Variants in IRAG1 observed in about 807,000 individuals in gnomAD.
The protein encoded by IRAG1 is inositol 1,4,5-triphosphate receptor associated 1.
In IRAG1, 62 loss-of-function variants were observed where a neutral mutation model predicts 106.2. The ratio of observed to expected loss-of-function variants is 0.58; its 90% CI spans 0.48 to 0.72. The LOEUF is 0.72. Ranked by LOEUF, IRAG1 falls within the 30% of genes least tolerant of loss-of-function variation. IRAG1 has a pLI of 0.00. For synonymous variants in IRAG1, 462 were observed against 443.9 expected (o/e 1.04, Z -0.51); for missense variants, 1,064 against 1,140.7 (o/e 0.93, Z 0.97).
At chr11:10,676,277 G>A (rs147625016) in intron 1 of IRAG1, among the ~76,000 whole-genome samples, 172 of 152,272 alleles carry the variant, frequency 1.1e-3, no homozygotes, top group African/African-American at 3.6e-3. Context: ...CGGTTTCTCC[G>A]TCAGAATGGT....
chr11:10,601,178 T>C (rs1282369079), intron 14 of IRAG1, 119 bp from the exon 15 acceptor site: 52 of 1,384,084 alleles, frequency 3.8e-5, no homozygotes, highest in Non-Finnish European at 4.5e-5. Context: ...GACAAGACTC[T>C]GCCCTCTGAA....
chr11:10,580,504 G>T lies in IRAG1; in HGVS notation c.2446C>A (p.Pro816Thr), dbSNP rs1405141600. The stretch of plus-strand genomic sequence containing the variant: ...TCCTCAGTTTCTTCTACCTCTTCAG[G>T]TTCCTCAGGACTCTCACTCTTCTGT... ...EEQKSESPEE[P>T]EEVEETEEEE... is the part of the protein sequence containing the mutation. Residue 816 changes from proline to threonine, a missense_variant, in exon 20 of 21, where the codon CCT becomes ACT. Coordinates refer to ENST00000423302, the MANE Select transcript of IRAG1 (RefSeq NM_130385.4). The T allele has an allele frequency of 2.5e-6, 4 of 1,613,572 alleles. No homozygotes were observed. Among genetic ancestry groups the T allele is most frequent in the Admixed American group, 3.3e-5 (2 of 59,972 alleles).
chr11:10,685,225 T>A (rs1254007815), intron 1 of IRAG1, among the ~76,000 whole-genome samples: 1 of 152,122 alleles, frequency 6.6e-6, no homozygotes, highest in Non-Finnish European at 1.5e-5. Flanking sequence ...GGCAGGTGGA[T>A]CACTTGAGGT....
At chr11:10,583,930 G>C (rs897677225) in intron 18 of IRAG1, among the ~76,000 whole-genome samples, 1 of 152,074 alleles carries the variant, frequency 6.6e-6, no homozygotes, top group African/African-American at 2.4e-5. Context: ...GAGGGGTCTA[G>C]GAAGGTCTGT....
rs149163766 is a variant in IRAG1, at chr11:10,633,297, G to C, written c.329+671C>G. On this transcript the variant is annotated intron_variant, in intron 3 of 20. Transcript: ENST00000423302. The stretch of plus-strand genomic sequence containing the variant: ...TCACTGTGTTAGCCAGGATGGTCTC[G>C]ATCTCCTGACCTCATGATTCACCCG... 3.5e-3 allele frequency among the ~76,000 whole-genome samples: 525 copies of C among 152,114 alleles called. 3 individuals are homozygous for C. In the East Asian group the frequency reaches 0.046, roughly 13 times the overall value.
intron 1 of IRAG1, among the ~76,000 whole-genome samples, chr11:10,667,875 T>A (rs1859906725): frequency 6.6e-6 from 1 of 152,204 alleles, no homozygotes; most frequent in Non-Finnish European, 1.5e-5. Flanking sequence ...TAAAGGGGAA[T>A]CTGATCCAAA....
At chr11:10,618,677 G>A (rs148515462) in intron 10 of IRAG1, among the ~76,000 whole-genome samples, 1 of 152,320 alleles carries the variant, frequency 6.6e-6, no homozygotes, top group Non-Finnish European at 1.5e-5. Flanking sequence ...AAGAGGGAGA[G>A]AGGAAGAACA....
chr11:10,634,753 T>TTGTGTGTGTG (rs57266330), intron 2 of IRAG1, among the ~76,000 whole-genome samples: 55,882 of 144,634 alleles, frequency 0.39, 11,189 homozygotes, highest in East Asian at 0.58. Context: ...AATAATATTC[T>TTGTGTGTGTG]TGTGTGTGTG....
chr11:10,593,437 G>T, intron 17 of IRAG1, 55 bp downstream of exon 17: 3 of 1,504,370 alleles, frequency 2.0e-6, no homozygotes, highest in Non-Finnish European at 2.8e-6. Context: ...GACTGAGTAC[G>T]AAGGAAAGGT....
intron 1 of IRAG1, among the ~76,000 whole-genome samples, chr11:10,678,183 T>C (rs567695974): frequency 3.9e-5 from 6 of 152,346 alleles, no homozygotes; most frequent in Admixed American, 1.3e-4. Context: ...CTTTTGCATA[T>C]AGACCTAGGA....
intron 10 of IRAG1, among the ~76,000 whole-genome samples, chr11:10,610,331 T>C (rs1368530824): frequency 6.6e-6 from 1 of 152,236 alleles, no homozygotes; most frequent in Non-Finnish European, 1.5e-5. Context: ...ACCCCATAGA[T>C]AAGAGATTTT....
At chr11:10,638,305 C>G (rs372872317) in intron 2 of IRAG1, among the ~76,000 whole-genome samples, 1 of 152,164 alleles carries the variant, frequency 6.6e-6, no homozygotes, top group African/African-American at 2.4e-5. Context: ...GCAGAGTAAC[C>G]AGGTTTGAGC....
chr11:10,599,890 A>C (rs1427041345), intron 15 of IRAG1: 1 of 152,178 alleles, frequency 6.6e-6, no homozygotes, highest in Non-Finnish European at 1.5e-5. Flanking sequence ...AAGTCAGAAT[A>C]ATCTAAAAAT....
chr11:10,609,108 T>G (rs1301570091), intron 11 of IRAG1, among the ~76,000 whole-genome samples: 4 of 152,204 alleles, frequency 2.6e-5, no homozygotes, highest in African/African-American at 9.6e-5. Context: ...CCAAAACCCT[T>G]GCATGAGTGG....
intron 3 of IRAG1, 23 bp from the exon 4 acceptor site, chr11:10,632,084 T>C: frequency 6.3e-7 from 1 of 1,592,114 alleles, no homozygotes; most frequent in Non-Finnish European, 8.6e-7. Context: ...ACAGTCATCT[T>C]GTTCAGAAAA....
At chr11:10,658,108 A>T (rs1290310647) in intron 1 of IRAG1, among the ~76,000 whole-genome samples, 1 of 152,172 alleles carries the variant, frequency 6.6e-6, no homozygotes, top group Non-Finnish European at 1.5e-5. Context: ...AGGAGAGAGG[A>T]TGCTCCCCAC....
intron 1 of IRAG1, among the ~76,000 whole-genome samples, chr11:10,677,307 C>G (rs16908159): frequency 6.6e-6 from 1 of 152,164 alleles, no homozygotes; most frequent in South Asian, 2.1e-4. Context: ...TCAATGTCTC[C>G]TTCTCCTGAA....
chr11:10,667,402 C>T (rs1482854330), intron 1 of IRAG1, among the ~76,000 whole-genome samples: 1 of 152,148 alleles, frequency 6.6e-6, no homozygotes, highest in Admixed American at 6.5e-5. Flanking sequence ...CTCTGCTCTG[C>T]TCAGCCTGCA....
chr11:10,687,793 CAG>C (rs1335708562), intron 1 of IRAG1: 9 of 1,288,816 alleles, frequency 7.0e-6, no homozygotes, highest in Non-Finnish European at 9.1e-6. Flanking sequence ...GGGGAACAGA[CAG>C]GGGCTAGAAA....
Sources: allele counts gnomAD v4.1 joint callset (sites outside exome capture counted in the v4.1 genomes callset), GRCh38; gene constraint gnomAD v4.1.1; transcripts MANE v1.5; gene names NCBI Gene and HGNC (gene_info 2026-07-23, HGNC 2026-07-21).